The following TRERF1 variants were observed in gnomAD, a reference collection of about 807,000 sequenced individuals.
TRERF1 encodes transcriptional regulating factor 1.
In TRERF1, 27 loss-of-function variants were observed where a neutral mutation model predicts 122.9. The ratio of observed to expected loss-of-function variants is 0.22; its 90% CI spans 0.16 to 0.30. TRERF1 has a LOEUF of 0.30. Among genes scored for constraint, TRERF1 ranks in the 10% least tolerant of loss-of-function variants. The probability of loss-of-function intolerance (pLI) is 1.00; values close to 1 mark genes in which losing one functional copy is unlikely to be tolerated. For synonymous variants in TRERF1, 636 were observed against 641.7 expected (o/e 0.99, Z 0.13); for missense variants, 1,248 against 1,560.3 (o/e 0.80, Z 3.37).
intron 2 of TRERF1, among the ~76,000 whole-genome samples, chr6:42,370,742 C>CT (rs1282277605): frequency 6.6e-6 from 1 of 152,204 alleles, no homozygotes; most frequent in Non-Finnish European, 1.5e-5. Context: ...CAAGTCAACC[C>CT]TTGGCCCTGC....
At chr6:42,281,128 A>G (rs907769336) in intron 4 of TRERF1, among the ~76,000 whole-genome samples, 4 of 152,060 alleles carry the variant, frequency 2.6e-5, no homozygotes, top group East Asian at 1.9e-4. Context: ...GAAGCCCCCA[A>G]ACCTGTCTGG....
At chr6:42,255,118 C>T (rs1444720046) in intron 12 of TRERF1, among the ~76,000 whole-genome samples, 192 bp from the exon 13 acceptor site, 2 of 152,202 alleles carry the variant, frequency 1.3e-5, no homozygotes, top group African/African-American at 4.8e-5. Flanking sequence ...CTCCTTCTAA[C>T]ACCCTCTCCA....
At chr6:42,437,012 G>C (rs1785568982) in intron 2 of TRERF1, among the ~76,000 whole-genome samples, 1 of 151,936 alleles carries the variant, frequency 6.6e-6, no homozygotes, top group Non-Finnish European at 1.5e-5. Context: ...TCCAGAGACT[G>C]CAGAGCCCAT....
chr6:42,263,482 G>GGGAGGGAGCTGT lies in TRERF1; in HGVS notation c.1710_1721dup (p.Gln571_Pro574dup). On this transcript the variant is annotated inframe_insertion, in exon 8 of 18. Coordinates refer to ENST00000372922, the Ensembl canonical transcript of TRERF1. This position sits in a 1 kb window ranked among gnomAD's most constrained non-coding sequence, Gnocchi z 5.6. ...CCATAGGCGTGAGGCTTTCTGCCTC[G>GGGAGGGAGCTGT]GGAGGGAGCTGTGGTGGCGGCGGAG... 6.3e-7 allele frequency: 1 copy of GGGAGGGAGCTGT among 1,589,112 alleles called. No homozygotes were observed. Among genetic ancestry groups the GGGAGGGAGCTGT allele is most frequent in the South Asian group, 1.1e-5 (1 of 87,826 alleles).
chr6:42,445,187 TG>T (rs1345626347), intron 2 of TRERF1, among the ~76,000 whole-genome samples: 1 of 151,116 alleles, frequency 6.6e-6, no homozygotes, highest in Non-Finnish European at 1.5e-5. Flanking sequence ...GAGAATCACT[TG>T]AACATGGGAG....
chr6:42,265,580 A>T (rs963940880), intron 6 of TRERF1, among the ~76,000 whole-genome samples, 171 bp downstream of exon 6: 1 of 152,244 alleles, frequency 6.6e-6, no homozygotes, highest in African/African-American at 2.4e-5. Flanking sequence ...ACTTTACTAT[A>T]CATAATGCCT....
intron 4 of TRERF1, among the ~76,000 whole-genome samples, chr6:42,271,609 A>T (rs537933024): frequency 6.6e-6 from 1 of 152,276 alleles, no homozygotes; most frequent in South Asian, 2.1e-4. Flanking sequence ...CCCCCAAAAA[A>T]AGTTACCCAG....
In TRERF1 at chr6:42,268,759, C is replaced by CTTGCTGCTG. The variant is rs761986170; in HGVS notation, c.823_831dup (p.Gln275_Gln277dup). ...TGCATGGAGATACGCTGTTGCCCGG[C>CTTGCTGCTG]TTGCTGCTGTTGCTGCGGTGGGTAA... On this transcript the variant is annotated inframe_insertion, in exon 5 of 18. Coordinates refer to ENST00000372922, the Ensembl canonical transcript of TRERF1. This position sits in a 1 kb window ranked among gnomAD's most constrained non-coding sequence, Gnocchi z 4.4. 1 of 1,614,192 alleles carries CTTGCTGCTG rather than the reference C, an allele frequency of 6.2e-7. No homozygotes were observed. The highest frequency in any genetic ancestry group is 8.5e-7 in the Non-Finnish European group (1 of 1,180,040).
intron 2 of TRERF1, among the ~76,000 whole-genome samples, chr6:42,441,336 A>C (rs1271222234): frequency 6.6e-6 from 1 of 152,090 alleles, no homozygotes; most frequent in Non-Finnish European, 1.5e-5. Context: ...AAAGGGGGGA[A>C]GGAGGAGGGG....
chr6:42,427,945 A>G (rs1055778267), intron 2 of TRERF1, among the ~76,000 whole-genome samples: 8 of 152,214 alleles, frequency 5.3e-5, no homozygotes, highest in African/African-American at 1.9e-4. Flanking sequence ...GAAAGAGATA[A>G]GATTACACCA....
At chr6:42,313,353 G>C (rs889683397) in intron 3 of TRERF1, among the ~76,000 whole-genome samples, 12 of 152,214 alleles carry the variant, frequency 7.9e-5, no homozygotes, top group Non-Finnish European at 1.6e-4. Flanking sequence ...GGAAGCAGAG[G>C]AGGAAAGTGT....
chr6:42,450,833 G>A (rs1788347675), intron 2 of TRERF1, among the ~76,000 whole-genome samples: 1 of 152,184 alleles, frequency 6.6e-6, no homozygotes, highest in African/African-American at 2.4e-5. Flanking sequence ...TATGTATCAT[G>A]TCAAAAACCC....
chr6:42,227,220 T>C (rs747452851), exon 18 of TRERF1: 1 of 152,266 alleles, frequency 6.6e-6, no homozygotes, highest in African/African-American at 2.4e-5. Flanking sequence ...GAAGCCATTT[T>C]TGTTGGCCTT....
chr6:42,294,892 G>A (rs1020202710), intron 4 of TRERF1, among the ~76,000 whole-genome samples: 37 of 152,128 alleles, frequency 2.4e-4, no homozygotes, highest in Non-Finnish European at 1.0e-4. Context: ...GGCAAGGTCA[G>A]TTGGATGGCA....
At chr6:42,434,249 T>C (rs1432069359) in intron 2 of TRERF1, among the ~76,000 whole-genome samples, 2 of 151,730 alleles carry the variant, frequency 1.3e-5, no homozygotes, top group Non-Finnish European at 2.9e-5. Context: ...AAAAGCAAAA[T>C]TGGAAGACAA....
At chr6:42,363,300 T>C (rs942968764) in intron 2 of TRERF1, among the ~76,000 whole-genome samples, 1 of 152,164 alleles carries the variant, frequency 6.6e-6, no homozygotes, top group African/African-American at 2.4e-5. Context: ...TCATTCTGGT[T>C]ATTCAGGCTC....
intron 2 of TRERF1, among the ~76,000 whole-genome samples, chr6:42,378,634 G>A (rs1314233878): frequency 6.6e-6 from 1 of 152,106 alleles, no homozygotes; most frequent in East Asian, 1.9e-4. Flanking sequence ...AAAGACCCCC[G>A]AAGCCCATCT....
chr6:42,231,420 T>A (rs1464476338), intron 17 of TRERF1, among the ~76,000 whole-genome samples: 1 of 152,250 alleles, frequency 6.6e-6, no homozygotes, highest in East Asian at 1.9e-4. Context: ...AGGCACATAG[T>A]TAGTACCTGA....
chr6:42,371,634 G>A (rs997144424), intron 2 of TRERF1, among the ~76,000 whole-genome samples: 2 of 152,150 alleles, frequency 1.3e-5, no homozygotes, highest in African/African-American at 4.8e-5. Flanking sequence ...CTTCAAGAGT[G>A]CCAAAACACA....
Sources: allele counts gnomAD v4.1 joint callset (sites outside exome capture counted in the v4.1 genomes callset), GRCh38; gene constraint gnomAD v4.1.1; non-coding constraint Gnocchi (gnomAD v3.1); transcripts MANE v1.5; gene names NCBI Gene and HGNC (gene_info 2026-07-23, HGNC 2026-07-21).